The following SIN3A variants were observed in gnomAD, a reference collection of about 807,000 sequenced individuals.
SIN3A encodes paired amphipathic helix protein Sin3a.
A neutral mutation model predicts 146.1 loss-of-function variants in SIN3A; 14 were observed. The ratio of observed to expected loss-of-function variants is 0.10; its 90% CI spans 0.06 to 0.15. SIN3A has a LOEUF of 0.15. Among genes scored for constraint, SIN3A ranks in the 10% least tolerant of loss-of-function variants. The pLI is 1.00. For missense variants in SIN3A, 1,028 were observed against 1,576.0 expected (o/e 0.65, Z 5.89); for synonymous variants, 572 against 572.0 (o/e 1.00, Z 0.00).
Position 75,383,484 on chromosome 15 carries a change from C to T in SIN3A, c.3195+780G>A, listed in dbSNP as rs549052774. On this transcript the variant is annotated intron_variant, in intron 17 of 20. Coordinates refer to ENST00000394947, the MANE Select transcript of SIN3A (RefSeq NM_001145358.2). ...TGTCACCCAGGCTGGGGTGCAGTGA[C>T]GCGATCAGGCCTCACTGCAGCCTCG... 2.6e-5 allele frequency among the ~76,000 whole-genome samples: 4 copies of T among 151,214 alleles called. No homozygotes were observed. In the South Asian group the frequency reaches 8.4e-4, roughly 32 times the overall value.
chr15:75,376,775 G>A (rs910711142), intron 19 of SIN3A, among the ~76,000 whole-genome samples: 3 of 149,098 alleles, frequency 2.0e-5, no homozygotes, highest in Admixed American at 6.8e-5. Flanking sequence ...TGGGAAGATC[G>A]TTTGAGCCCA....
intron 20 of SIN3A, among the ~76,000 whole-genome samples, chr15:75,372,966 G>A (rs1254121972): frequency 1.3e-5 from 2 of 152,112 alleles, no homozygotes; most frequent in African/African-American, 2.4e-5. Flanking sequence ...TCAGCATGGA[G>A]ATCCACCTCT....
intron 2 of SIN3A, among the ~76,000 whole-genome samples, chr15:75,427,927 C>T (rs1321590432): frequency 4.0e-5 from 6 of 149,286 alleles, no homozygotes; most frequent in Admixed American, 4.0e-4. Context: ...GCCGAGATCG[C>T]ACCACTGCAC....
chr15:75,392,161 A>C, intron 15 of SIN3A, 81 bp downstream of exon 15: 1 of 1,244,496 alleles, frequency 8.0e-7, no homozygotes, highest in Non-Finnish European at 1.1e-6. Flanking sequence ...TCTATTAATA[A>C]AAGAAGCAGT....
rs973399827 is a variant in SIN3A, at chr15:75,443,287, A to G, written c.-34+8136T>C. On this transcript the variant is annotated intron_variant, in intron 1 of 20. Coordinates refer to ENST00000394947, the MANE Select transcript of SIN3A (RefSeq NM_001145358.2). ...AAGATGAAAAACTATGGATTTTTAA[A>G]TATGTCCAATGAAAGCTTAAAAGTT... 4.6e-5 allele frequency among the ~76,000 whole-genome samples: 7 copies of G among 152,154 alleles called. No homozygotes were observed. The South Asian group carries it at 1.2e-3, about 27-fold the overall frequency.
intron 16 of SIN3A, among the ~76,000 whole-genome samples, chr15:75,385,598 C>A (rs1355251040): frequency 6.6e-6 from 1 of 152,132 alleles, no homozygotes; most frequent in Non-Finnish European, 1.5e-5. Flanking sequence ...AAAATAGATA[C>A]AAGAAGAAAG....
intron 13 of SIN3A, among the ~76,000 whole-genome samples, chr15:75,395,956 A>G (rs2073294763): frequency 6.6e-6 from 1 of 152,182 alleles, no homozygotes; most frequent in Admixed American, 6.5e-5. Flanking sequence ...AACAACAGTT[A>G]GTCCTGAGTG....
chr15:75,372,106 T>C lies in SIN3A; in HGVS notation c.3695A>G (p.Lys1232Arg), dbSNP rs776572465. 3.1e-6 allele frequency: 5 copies of C among 1,614,072 alleles called. No individual in the cohort carries two copies. Among genetic ancestry groups the C allele is most frequent in the Non-Finnish European group, 3.4e-6 (4 of 1,180,040 alleles). The change falls in exon 21 of 21, where the codon AAG (lysine) becomes AGG (arginine). Residue 1232 changes from lysine to arginine, a missense_variant. Physicochemically the swap from Lys to Arg is conservative, Grantham distance 26. This residue lies in a region of SIN3A where 488 missense variants were observed against 690.2 expected (regional missense o/e 0.71). Coordinates refer to ENST00000394947, the MANE Select transcript of SIN3A (RefSeq NM_001145358.2). ...VPREMAAETS[K>R]WLMGEGLEGL... ...CTCCAGCCCCTCACCCATGAGCCAC[T>C]TGCTGGTCTCTGCTGCCATTTCACG...
In SIN3A at chr15:75,430,170, G is replaced by A. The variant is rs758548456; in HGVS notation, c.189+17C>T. On this transcript the variant is annotated intron_variant, in intron 2 of 20. Coordinates refer to ENST00000394947, the MANE Select transcript of SIN3A (RefSeq NM_001145358.2). ...TTCTCTTCCCTCATTCTAGTCCCTTGGTTGGCTCCAGCTTACCTGGTAGCT... is the reference window on the plus strand; with the variant it reads ...TTCTCTTCCCTCATTCTAGTCCCTTAGTTGGCTCCAGCTTACCTGGTAGCT... The A allele has an allele frequency of 1.9e-6, 3 of 1,596,340 alleles. No homozygotes were observed. Among genetic ancestry groups the A allele is most frequent in the Middle Eastern group, 1.7e-4 (1 of 6,018 alleles).
At chr15:75,442,876 G>A (rs2074241065) in intron 1 of SIN3A, among the ~76,000 whole-genome samples, 1 of 147,278 alleles carries the variant, frequency 6.8e-6, no homozygotes, top group Non-Finnish European at 1.5e-5. Flanking sequence ...AGGTTGCGGT[G>A]AGCCGAGATT....
intron 2 of SIN3A, among the ~76,000 whole-genome samples, chr15:75,424,199 G>A (rs1178554894): frequency 1.3e-5 from 2 of 152,038 alleles, no homozygotes; most frequent in African/African-American, 4.8e-5. Flanking sequence ...TTGGGAGGCC[G>A]AGGTGGGCGG....
chr15:75,450,458 C>T (rs1265991668), intron 1 of SIN3A, among the ~76,000 whole-genome samples: 1 of 152,186 alleles, frequency 6.6e-6, no homozygotes, highest in African/African-American at 2.4e-5. Flanking sequence ...TTTCTAGTCT[C>T]TGATGACTCC....
At chr15:75,372,820 CAAAAAAAAAA>C (rs370930119) in intron 20 of SIN3A, among the ~76,000 whole-genome samples, 1 of 79,524 alleles carries the variant, frequency 1.3e-5, no homozygotes, top group Non-Finnish European at 2.3e-5. Flanking sequence ...ACCCTGTCTC[CAAAAAAAAAA>C]AAAAAAAAAA....
At chr15:75,386,780 A>G (rs145382595) in intron 16 of SIN3A, among the ~76,000 whole-genome samples, 1 of 152,208 alleles carries the variant, frequency 6.6e-6, no homozygotes, top group Non-Finnish European at 1.5e-5. Context: ...GAGGTTGCCT[A>G]TTGTATTCTT....
chr15:75,426,695 C>T (rs759956217), intron 2 of SIN3A, among the ~76,000 whole-genome samples: 3 of 151,990 alleles, frequency 2.0e-5, no homozygotes, highest in Non-Finnish European at 2.9e-5. Flanking sequence ...TTTGGGAGGC[C>T]GAGTCGGGCA....
chr15:75,392,626 A>C lies in SIN3A; in HGVS notation c.2467T>G (p.Leu823Val). Residue 823 changes from leucine (L) to valine (V), a missense_variant, in exon 15 of 21, where the codon TTG (leucine) becomes GTG (valine). Coordinates refer to ENST00000394947, the MANE Select transcript of SIN3A (RefSeq NM_001145358.2). The stretch of plus-strand genomic sequence containing the variant: ...AGATCACCTCTTTGGGCAAAGAGCA[A>C]ATCTGGAATAAAATGATGCATGATT... ...KQIMHHFIPD[L>V]LFAQRGDLSD... is the part of the protein sequence containing the mutation. The C allele has an allele frequency of 6.2e-7, 1 of 1,614,126 alleles. No individual in the cohort carries two copies. The highest frequency in any genetic ancestry group is 8.5e-7 in the Non-Finnish European group (1 of 1,180,026).
At chr15:75,435,904 G>A (rs1175734228) in intron 1 of SIN3A, among the ~76,000 whole-genome samples, 1 of 151,622 alleles carries the variant, frequency 6.6e-6, no homozygotes, top group African/African-American at 2.4e-5. Flanking sequence ...GCTCAAGGAT[G>A]GCTTGAGCCC....
intron 13 of SIN3A, among the ~76,000 whole-genome samples, chr15:75,395,729 T>C (rs778518540): frequency 2.0e-5 from 3 of 151,658 alleles, no homozygotes; most frequent in Non-Finnish European, 4.4e-5. Flanking sequence ...CAAGACCTCA[T>C]CTCTATTAAA....
Position 75,381,163 on chromosome 15 carries a change from C to A in SIN3A, c.3289-440G>T, listed in dbSNP as rs74824456. On this transcript the variant is annotated intron_variant, in intron 18 of 20. Coordinates refer to ENST00000394947, the MANE Select transcript of SIN3A (RefSeq NM_001145358.2). ...AACAAGTCATCCCACACGACCCCCCCCAACATCATACATATGGCCTGCATC... is the reference window on the plus strand; with the variant it reads ...AACAAGTCATCCCACACGACCCCCCACAACATCATACATATGGCCTGCATC... 946 of 183,508 alleles carry A rather than the reference C, an allele frequency of 5.2e-3. 52 individuals carry two copies. In the East Asian group the frequency reaches 0.12, roughly 23 times the overall value. 11.4% of individuals were successfully genotyped at this position (183,508 alleles called of 1,614,324 possible). A position where few individuals can be genotyped will look rare whatever the true frequency, so the allele number is the denominator to read the frequency against.
Sources: allele counts gnomAD v4.1 joint callset (sites outside exome capture counted in the v4.1 genomes callset), GRCh38; gene constraint gnomAD v4.1.1; regional missense constraint gnomAD v4.1.1; transcripts MANE v1.5; gene names NCBI Gene and HGNC (gene_info 2026-07-23, HGNC 2026-07-21).